The following GIPR variants were observed in gnomAD, a reference collection of about 807,000 sequenced individuals.
GIPR encodes gastric inhibitory polypeptide receptor.
GIPR carries 74 observed loss-of-function variants against 62.2 expected under a neutral mutation model. That is an observed-to-expected ratio of 1.19 (90% CI 0.99 to 1.44). The LOEUF (loss-of-function observed/expected upper bound fraction) is 1.44. Among genes scored for constraint, GIPR ranks in the 40% most tolerant of loss-of-function variants. The pLI is 0.00. For synonymous variants in GIPR, 256 were observed against 262.2 expected, an observed-to-expected ratio of 0.98 and a Z score of 0.23; for missense variants, 664 against 611.8, an observed-to-expected ratio of 1.09 and a Z score of -0.90.
At chr19:45,672,815 C>T in intron 4 of GIPR, 36 bp from the exon 5 acceptor site, 1 of 1,254,064 alleles carries the variant, frequency 8.0e-7, no homozygotes, top group Non-Finnish European at 1.2e-6. Flanking sequence ...ATCTCTTTCT[C>T]TGTGTGCCTT....
At chr19:45,672,997 A>G (rs1330914289) in intron 5 of GIPR, 43 bp downstream of exon 5, 6 of 1,136,858 alleles carry the variant, frequency 5.3e-6, no homozygotes, top group Admixed American at 1.7e-5. Context: ...CCAGGGAGAG[A>G]TGGAAAGGCA....
chr19:45,677,558 G>A (rs1967014864), intron 9 of GIPR, 152 bp from the exon 10 acceptor site: 2 of 845,970 alleles, frequency 2.4e-6, no homozygotes, highest in Admixed American at 1.7e-5. Context: ...CAATCGGCAA[G>A]GGGAGGGGGT....
intron 3 of GIPR, among the ~76,000 whole-genome samples, chr19:45,670,976 G>A (rs1324383571): frequency 6.6e-6 from 1 of 152,012 alleles, no homozygotes; most frequent in Non-Finnish European, 1.5e-5. Context: ...ACCTTGAAGG[G>A]GGCGGGGTTT....
At chr19:45,677,190 G>GTT in intron 8 of GIPR, 82 bp downstream of exon 8, 1 of 1,490,950 alleles carries the variant, frequency 6.7e-7, no homozygotes, top group Non-Finnish European at 9.2e-7. Context: ...GGCCTCTGCG[G>GTT]GTCTCCTCCC....
chr19:45,672,651 G>C (rs532858970), intron 4 of GIPR, 200 bp from the exon 5 acceptor site: 2 of 567,814 alleles, frequency 3.5e-6, no homozygotes, highest in African/African-American at 3.7e-5. Flanking sequence ...CTAGGTTAAG[G>C]ATATTACTAA....
chr19:45,677,191 G>A, intron 8 of GIPR, 83 bp downstream of exon 8: 2 of 1,456,274 alleles, frequency 1.4e-6, no homozygotes, highest in Non-Finnish European at 9.5e-7. Context: ...GCCTCTGCGG[G>A]TCTCCTCCCG....
chr19:45,673,879 T>A (rs1229508750), intron 5 of GIPR, among the ~76,000 whole-genome samples, 195 bp from the exon 6 acceptor site: 1 of 151,338 alleles, frequency 6.6e-6, no homozygotes, highest in African/African-American at 2.4e-5. Context: ...AAAAAAAATC[T>A]CTGGTTGGCT....
intron 12 of GIPR, 21 bp downstream of exon 12, chr19:45,678,247 G>A: frequency 6.5e-7 from 1 of 1,548,682 alleles, no homozygotes. Context: ...AGGGTGCAGG[G>A]GCTCCATCCT....
chr19:45,674,708 T>A lies in GIPR; in HGVS notation c.515T>A (p.Ile172Asn). The change falls in exon 7 of 14, where the codon ATC (isoleucine) becomes AAC (asparagine). Residue 172 changes from isoleucine (I) to asparagine (N), a missense_variant. Ile to Asn is a moderately radical substitution (Grantham distance 149). Coordinates refer to ENST00000590918, the MANE Select transcript of GIPR (RefSeq NM_000164.4). ...CGGCTACATTGCACTAGAAACTATA[T>A]CCACATCAACCTGTTCACGTCTTTC... ...FRRLHCTRNYIHINLFTSFML... is the reference protein window; with the variant it reads ...FRRLHCTRNYNHINLFTSFML... 2 of 1,614,010 alleles carry A rather than the reference T, an allele frequency of 1.2e-6. No homozygotes were observed. Among genetic ancestry groups the A allele is most frequent in the South Asian group, 2.2e-5 (2 of 91,076 alleles).
intron 12 of GIPR, 52 bp downstream of exon 12, chr19:45,678,278 C>T: frequency 6.5e-7 from 1 of 1,536,222 alleles, no homozygotes; most frequent in Non-Finnish European, 8.7e-7. Flanking sequence ...GCCTCCTCCC[C>T]AGAGGGGCAC....
At position 45,678,002 on chromosome 19, in the gene GIPR, C is replaced by T. The variant is rs530556038; in HGVS notation, c.1013+8C>T. On this transcript the variant is annotated splice_region_variant and intron_variant, in intron 11 of 13. Coordinates refer to ENST00000590918, the MANE Select transcript of GIPR (RefSeq NM_000164.4). Reference sequence around the variant, plus strand: ...CCGGGATTACCGGCTGAGGTGAGGGCATGCGTTGGGGACCGAGGGGAAGGG... The same window carrying T: ...CCGGGATTACCGGCTGAGGTGAGGGTATGCGTTGGGGACCGAGGGGAAGGG... 2 of 1,613,326 alleles carry T rather than the reference C, an allele frequency of 1.2e-6. No homozygotes were observed. The highest frequency in any genetic ancestry group is 1.3e-5 in the African/African-American group (1 of 75,056).
chr19:45,675,011 C>T, intron 7 of GIPR, 185 bp downstream of exon 7: 1 of 666,408 alleles, frequency 1.5e-6, no homozygotes, highest in Non-Finnish European at 2.7e-6. Flanking sequence ...CCCAACTCGG[C>T]CTCTGCCATC....
rs547052556 is a variant in GIPR, at chr19:45,671,599, CTTTCTATTTATTTATTTGGAGACG to C, written c.280+208_280+231del. 1.9e-4 allele frequency among the ~76,000 whole-genome samples: 29 copies of C among 152,262 alleles called. No homozygotes were observed. The East Asian group carries it at 5.4e-3, about 28-fold the overall frequency. ...ACGCAGCTTCTCTGTCTCCGTATCT[CTTTCTATTTATTTATTTGGAGACG>C]GAGTCTCGCTCTATCGCCCAGGCTG... On this transcript the variant is annotated intron_variant, in intron 4 of 13. Coordinates refer to ENST00000590918, the MANE Select transcript of GIPR (RefSeq NM_000164.4).
Position 45,677,396 on chromosome 19 carries a change from G to A in GIPR, c.854+13G>A. 6.8e-7 allele frequency: 1 copy of A among 1,471,386 alleles called. No individual in the cohort carries two copies. Among genetic ancestry groups the A allele is most frequent in the Non-Finnish European group, 9.5e-7 (1 of 1,052,914 alleles). 91.1% of individuals were successfully genotyped at this position (1,471,386 alleles called of 1,614,324 possible). A position where few individuals can be genotyped will look rare whatever the true frequency, so the allele number is the denominator to read the frequency against. ...ACGAGAACACGCAGTGAGTTGCAGG[G>A]TCTGGGGCGGGGCGTGGGAGGTGGG... On this transcript the variant is annotated intron_variant, in intron 9 of 13. Coordinates refer to ENST00000590918, the MANE Select transcript of GIPR (RefSeq NM_000164.4).
At position 45,682,145 on chromosome 19, in the gene GIPR, C is replaced by A. The variant is rs1967280359; in HGVS notation, c.*210C>A. 9 of 590,936 alleles carry A rather than the reference C, an allele frequency of 1.5e-5. No individual in the cohort carries two copies. Among genetic ancestry groups the A allele is most frequent in the Non-Finnish European group, 2.4e-5 (8 of 332,654 alleles). The allele number at this position is 590,936 out of a possible 1,614,324, so 36.6% of individuals were successfully genotyped here. ...GCTATGGAATGGTTATGAAGGGAAGCGAGAAGGGGGCCTAGGGTGGTCTGG... is the reference window on the plus strand; with the variant it reads ...GCTATGGAATGGTTATGAAGGGAAGAGAGAAGGGGGCCTAGGGTGGTCTGG... On this transcript the variant is annotated 3_prime_UTR_variant, in exon 14 of 14. Coordinates refer to ENST00000590918, the MANE Select transcript of GIPR (RefSeq NM_000164.4).
At position 45,677,306 on chromosome 19, in the gene GIPR, G is replaced by C; in HGVS notation, c.794-17G>C. 7.2e-7 allele frequency: 1 copy of C among 1,386,116 alleles called. No homozygotes were observed. Among genetic ancestry groups the C allele is most frequent in the South Asian group, 1.2e-5 (1 of 80,858 alleles). The allele number at this position is 1,386,116 out of a possible 1,614,324, so 85.9% of individuals were successfully genotyped here. ...CAGCTGCGGCGGGGTGGGGGGGCGG[G>C]GTCGGGGTCTGCACAGGGGCCCCCG... On this transcript the variant is annotated splice_polypyrimidine_tract_variant and intron_variant, in intron 8 of 13. Transcript: ENST00000590918.
At chr19:45,675,782 G>A (rs1399883648) in intron 7 of GIPR, among the ~76,000 whole-genome samples, 1 of 152,114 alleles carries the variant, frequency 6.6e-6, no homozygotes, top group African/African-American at 2.4e-5. Context: ...CAGCTACTTG[G>A]GAGGCTGAGA....
rs371495372 is a variant in GIPR at position 45,674,034 on chromosome 19, G to C, written c.385-40G>C. On this transcript the variant is annotated intron_variant, in intron 5 of 13. Transcript: ENST00000590918. ...AGTCTCTCTCTGGGCCTGGGGCTTC[G>C]AGCCAAGCCTTGTTCCCTTCCCCTT... 10 of 1,210,672 alleles carry C rather than the reference G, an allele frequency of 8.3e-6. No individual in the cohort carries two copies. The South Asian group carries it at 1.1e-4, about 13-fold the overall frequency. 75.0% of individuals were successfully genotyped at this position (1,210,672 alleles called of 1,614,324 possible).
chr19:45,670,049 G>C (rs991249854), intron 2 of GIPR, among the ~76,000 whole-genome samples: 1 of 151,496 alleles, frequency 6.6e-6, no homozygotes, highest in Non-Finnish European at 1.5e-5. Flanking sequence ...TGTTTGTTTC[G>C]AGACGGAGTC....
Sources: gnomAD v4.1 joint callset for allele counts (sites outside exome capture counted in the v4.1 genomes callset) on GRCh38, gnomAD v4.1.1 for gene constraint, MANE v1.5 for transcripts, NCBI Gene and HGNC (gene_info 2026-07-23, HGNC 2026-07-21) for gene names.